Variants in ANO3 observed in about 807,000 individuals in gnomAD.
ANO3 encodes anoctamin-3.
ANO3 carries 99 observed loss-of-function variants against 144.8 expected under a neutral mutation model. The observed-to-expected ratio is 0.68, with a 90% CI of 0.58 to 0.81. The LOEUF is 0.81. ANO3 is among the 30% of genes least tolerant of loss of function. ANO3 has a pLI of 0.00. For missense variants in ANO3, 905 were observed against 1,202.2 expected (o/e 0.75, Z 3.66); for synonymous variants, 414 against 392.6 (o/e 1.05, Z -0.64).
At chr11:26,465,846 G>A (rs1301699257) in intron 4 of ANO3, among the ~76,000 whole-genome samples, 5 of 151,866 alleles carry the variant, frequency 3.3e-5, no homozygotes, top group African/African-American at 1.2e-4. Flanking sequence ...TTTAATTTTT[G>A]TCAGGTACAT....
At chr11:26,652,226 C>T (rs75227427) in intron 24 of ANO3, among the ~76,000 whole-genome samples, 2,531 of 152,250 alleles carry the variant, frequency 0.017, 71 homozygotes, top group African/African-American at 0.057. Context: ...ACCTGACAAA[C>T]GTATTTTATT....
chr11:26,332,444 TA>T lies in ANO3; in HGVS notation c.46+139del, dbSNP rs56225203. The T allele has an allele frequency of 0.066, 40,384 of 607,514 alleles. 536 individuals carry two copies. Among genetic ancestry groups the T allele is most frequent in the African/African-American group, 0.2 (9,519 of 48,404 alleles). The allele number at this position is 607,514 out of a possible 1,614,324, so 37.6% of individuals were successfully genotyped here. A position where few individuals can be genotyped will look rare whatever the true frequency, so the allele number is the denominator to read the frequency against. ...ACAGAGGTGGGGAACTCTGTGAAGT[TA>T]AAAAAAAAAAAAAAATTAAATTCCT... On this transcript the variant is annotated intron_variant, in intron 1 of 26. Coordinates refer to ENST00000256737, the MANE Select transcript of ANO3 (RefSeq NM_031418.4).
intron 1 of ANO3, among the ~76,000 whole-genome samples, chr11:26,197,980 C>T (rs1851622516): frequency 6.6e-6 from 1 of 152,176 alleles, no homozygotes; most frequent in Non-Finnish European, 1.5e-5. Flanking sequence ...TCTGTGACTC[C>T]AGTCTCTTCA....
At chr11:26,328,922 T>C (rs888720853), upstream of ANO3, among the ~76,000 whole-genome samples, 2 of 152,142 alleles carry the variant, frequency 1.3e-5, no homozygotes, top group African/African-American at 4.8e-5. Flanking sequence ...ACTCCAGACA[T>C]TTTCGCATGT....
intron 4 of ANO3, among the ~76,000 whole-genome samples, chr11:26,477,804 G>A (rs886410303): frequency 6.6e-6 from 1 of 152,112 alleles, no homozygotes; most frequent in African/African-American, 2.4e-5. Flanking sequence ...GGAAGGGAAG[G>A]AAATCAATCT....
chr11:26,265,382 A>G (rs1333899436), intron 1 of ANO3, among the ~76,000 whole-genome samples: 1 of 152,152 alleles, frequency 6.6e-6, no homozygotes, highest in Non-Finnish European at 1.5e-5. Context: ...AGTACTAGCT[A>G]TGTCCTCTCC....
chr11:26,357,113 A>G (rs1408369584), intron 1 of ANO3, among the ~76,000 whole-genome samples: 1 of 152,196 alleles, frequency 6.6e-6, no homozygotes, highest in Non-Finnish European at 1.5e-5. Flanking sequence ...AATATTGCTT[A>G]TCCATTCACC....
intron 11 of ANO3, 72 bp from the exon 12 acceptor site, chr11:26,547,344 G>T: frequency 6.7e-7 from 1 of 1,482,696 alleles, no homozygotes; most frequent in South Asian, 1.2e-5. Context: ...ATTCTGACTA[G>T]GTGTGGCATC....
intron 3 of ANO3, among the ~76,000 whole-genome samples, chr11:26,454,306 T>G (rs562248353): frequency 1.3e-5 from 2 of 151,956 alleles, no homozygotes; most frequent in South Asian, 4.2e-4. Context: ...TTTGAAAGGA[T>G]CAACAAAATT....
At chr11:26,395,369 G>T (rs1210648398) in intron 1 of ANO3, among the ~76,000 whole-genome samples, 1 of 152,142 alleles carries the variant, frequency 6.6e-6, no homozygotes, top group Non-Finnish European at 1.5e-5. Flanking sequence ...ACTTTGGGCA[G>T]TATGGCCATT....
chr11:26,580,995 G>A (rs1202515890), intron 14 of ANO3, among the ~76,000 whole-genome samples: 1 of 152,112 alleles, frequency 6.6e-6, no homozygotes, highest in African/African-American at 2.4e-5. Flanking sequence ...TTACGTAAAC[G>A]TTTTATCTGT....
intron 15 of ANO3, among the ~76,000 whole-genome samples, 153 bp from the exon 16 acceptor site, chr11:26,598,705 G>T (rs562956859): frequency 1.3e-5 from 2 of 152,232 alleles, no homozygotes; most frequent in Admixed American, 1.3e-4. Flanking sequence ...GGATTTATTT[G>T]GAAGGTAATT....
chr11:26,514,508 C>T (rs530598567), intron 5 of ANO3, among the ~76,000 whole-genome samples: 69 of 152,180 alleles, frequency 4.5e-4, no homozygotes, highest in Non-Finnish European at 8.8e-4. Context: ...AATAATTTTT[C>T]TAAGGCCATA....
At position 26,531,407 on chromosome 11, in the gene ANO3, C is replaced by T. The variant is rs1279086433; in HGVS notation, c.869+71C>T. The T allele has an allele frequency of 2.6e-5, 39 of 1,472,622 alleles. No homozygotes were observed. In the Admixed American group the frequency reaches 9.3e-4, roughly 35 times the overall value. The allele number at this position is 1,472,622 out of a possible 1,614,324, so 91.2% of individuals were successfully genotyped here. ...GGGGCTTGTTTATAGAATAAAAACA[C>T]CTGGGACCATTTCCATTGTTTACCA... On this transcript the variant is annotated intron_variant, in intron 8 of 26. Coordinates refer to ENST00000256737, the MANE Select transcript of ANO3 (RefSeq NM_031418.4).
chr11:26,413,426 T>C (rs1857486446), intron 1 of ANO3, among the ~76,000 whole-genome samples: 1 of 151,860 alleles, frequency 6.6e-6, no homozygotes, highest in South Asian at 2.1e-4. Flanking sequence ...TATATGAAGA[T>C]AACTTAAATG....
intron 1 of ANO3, among the ~76,000 whole-genome samples, chr11:26,262,263 T>C (rs1853207619): frequency 6.6e-6 from 1 of 152,244 alleles, no homozygotes; most frequent in South Asian, 2.1e-4. Context: ...ATCTATGTAC[T>C]CTTCTCCCTG....
At chr11:26,292,605 T>C (rs1378097962) in intron 1 of ANO3, among the ~76,000 whole-genome samples, 1 of 152,186 alleles carries the variant, frequency 6.6e-6, no homozygotes, top group Non-Finnish European at 1.5e-5. Flanking sequence ...TTGGTGTGGG[T>C]GTCCTTTTTG....
intron 14 of ANO3, among the ~76,000 whole-genome samples, chr11:26,580,080 C>A (rs1220116009): frequency 4.7e-5 from 6 of 127,164 alleles, no homozygotes. Context: ...TGGAAAAAAT[C>A]ACAAATTTAT....
chr11:26,554,073 C>T (rs771172273), intron 13 of ANO3, among the ~76,000 whole-genome samples: 7 of 152,078 alleles, frequency 4.6e-5, no homozygotes, highest in African/African-American at 9.7e-5. Flanking sequence ...ATTTTCCTCA[C>T]GCCCTTTCAA....
Sources: gnomAD v4.1 joint callset for allele counts (sites outside exome capture counted in the v4.1 genomes callset) on GRCh38, gnomAD v4.1.1 for gene constraint, MANE v1.5 for transcripts, NCBI Gene and HGNC (gene_info 2026-07-23, HGNC 2026-07-21) for gene names.